Variants in ASAH2 observed in about 807,000 individuals in gnomAD.
ASAH2 encodes the protein N-acylsphingosine amidohydrolase 2.
A neutral mutation model predicts 82.9 loss-of-function variants in ASAH2; 58 were observed. The observed-to-expected ratio is 0.70, with a 90% CI of 0.57 to 0.87. The LOEUF is 0.87. ASAH2 is among the 40% of genes least tolerant of loss of function. ASAH2 has a pLI of 0.00. For missense variants in ASAH2, 779 were observed against 834.0 expected (o/e 0.93, Z 0.81); for synonymous variants, 276 against 289.7 (o/e 0.95, Z 0.48).
rs1845784327 is a variant in ASAH2 at position 50,222,926 on chromosome 10, G to C, written c.894-4296C>G. On this transcript the variant is annotated intron_variant, in intron 7 of 20. Coordinates refer to ENST00000682911, the MANE Select transcript of ASAH2 (RefSeq NM_019893.4). ...AGAAAGCTTTAGTTTCAGAAGTTAAGAATTCAGACATAAAAGGATGAATAC... is the reference window on the plus strand; with the variant it reads ...AGAAAGCTTTAGTTTCAGAAGTTAACAATTCAGACATAAAAGGATGAATAC... 2.0e-5 allele frequency among the ~76,000 whole-genome samples: 3 copies of C among 152,218 alleles called. No homozygotes were observed. The South Asian group carries it at 6.2e-4, about 32-fold the overall frequency.
At chr10:50,212,732 T>C (rs1798408892) in intron 10 of ASAH2, among the ~76,000 whole-genome samples, 1 of 152,144 alleles carries the variant, frequency 6.6e-6, no homozygotes, top group South Asian at 2.1e-4. Context: ...TAAAATAGAA[T>C]GTTTTCCTGA....
intron 5 of ASAH2, among the ~76,000 whole-genome samples, chr10:50,235,388 G>C (rs1431594934): frequency 6.6e-6 from 1 of 152,102 alleles, no homozygotes; most frequent in Non-Finnish European, 1.5e-5. Context: ...ACTGAAACCA[G>C]AAACAGGAGA....
At chr10:50,203,332 C>T (rs1845208050) in intron 15 of ASAH2, among the ~76,000 whole-genome samples, 1 of 151,974 alleles carries the variant, frequency 6.6e-6, no homozygotes, top group Non-Finnish European at 1.5e-5. Flanking sequence ...AAATGTAATA[C>T]ATTTTATTTA....
chr10:50,235,826 T>C, intron 5 of ASAH2, 62 bp downstream of exon 5: 1 of 1,554,516 alleles, frequency 6.4e-7, no homozygotes, highest in Non-Finnish European at 8.9e-7. Context: ...TCACATCCAA[T>C]CACTCCTAAA....
At chr10:50,237,297 G>A (rs1846185913) in intron 4 of ASAH2, among the ~76,000 whole-genome samples, 1 of 152,154 alleles carries the variant, frequency 6.6e-6, no homozygotes, top group African/African-American at 2.4e-5. Flanking sequence ...AGAAGCCTAA[G>A]TGGATAGGAA....
intron 17 of ASAH2, among the ~76,000 whole-genome samples, chr10:50,197,181 G>A (rs1845009731): frequency 6.6e-6 from 1 of 151,464 alleles, no homozygotes; most frequent in African/African-American, 2.4e-5. Flanking sequence ...TAAGGACAGT[G>A]ACCAGAGTAC....
chr10:50,243,907 CCATAGTAT>C (rs1218661884), intron 3 of ASAH2, among the ~76,000 whole-genome samples: 2 of 152,158 alleles, frequency 1.3e-5, no homozygotes, highest in African/African-American at 4.8e-5. Context: ...CTGGCTTTTA[CCATAGTAT>C]CATTCCTGTC....
intron 7 of ASAH2, among the ~76,000 whole-genome samples, chr10:50,219,460 A>AG (rs1845688884): frequency 1.3e-5 from 2 of 152,202 alleles, no homozygotes; most frequent in Non-Finnish European, 2.9e-5. Context: ...TGGCCTTTGT[A>AG]GGCTCAAACC....
intron 16 of ASAH2, among the ~76,000 whole-genome samples, chr10:50,200,034 C>T (rs1330512258): frequency 2.0e-5 from 3 of 151,186 alleles, no homozygotes; most frequent in Non-Finnish European, 3.0e-5. Context: ...AGGTAATAAG[C>T]ACAGTACCTG....
intron 7 of ASAH2, among the ~76,000 whole-genome samples, chr10:50,229,026 A>G (rs1165712386): frequency 6.6e-6 from 1 of 152,172 alleles, no homozygotes; most frequent in Non-Finnish European, 1.5e-5. Flanking sequence ...AAGTGTAGCT[A>G]TGTGAGTAGT....
intron 12 of ASAH2, among the ~76,000 whole-genome samples, chr10:50,207,998 G>T (rs1052467788): frequency 2.6e-5 from 4 of 151,862 alleles, no homozygotes; most frequent in African/African-American, 7.2e-5. Context: ...GGAATACAAA[G>T]TTGGTTAAAC....
intron 17 of ASAH2, among the ~76,000 whole-genome samples, chr10:50,197,601 A>G (rs1267225517): frequency 1.1e-4 from 16 of 152,098 alleles, no homozygotes; most frequent in Non-Finnish European, 2.1e-4. Flanking sequence ...TAATCTTTAC[A>G]ACTGCATATG....
intron 7 of ASAH2, among the ~76,000 whole-genome samples, chr10:50,225,629 A>G (rs968601891): frequency 2.0e-5 from 3 of 152,090 alleles, no homozygotes; most frequent in African/African-American, 4.8e-5. Context: ...CAAGAGTATG[A>G]CAAACAACAT....
At chr10:50,214,603 T>A in intron 9 of ASAH2, 140 bp downstream of exon 9, 1 of 1,045,950 alleles carries the variant, frequency 9.6e-7, no homozygotes, top group Non-Finnish European at 1.4e-6. Context: ...GGACAGGTGC[T>A]TTTGAGAAGA....
intron 7 of ASAH2, among the ~76,000 whole-genome samples, chr10:50,226,981 A>G (rs1845903509): frequency 6.6e-6 from 1 of 152,178 alleles, no homozygotes; most frequent in South Asian, 2.1e-4. Flanking sequence ...ATAGCTATCA[A>G]TCCAAAAAAA....
intron 8 of ASAH2, among the ~76,000 whole-genome samples, chr10:50,216,268 C>T (rs1267777793): frequency 6.6e-6 from 1 of 151,412 alleles, no homozygotes; most frequent in African/African-American, 2.4e-5. Flanking sequence ...TACAAACCTG[C>T]ATGTTCTGCA....
Position 50,243,477 on chromosome 10 carries a change from T to G in ASAH2, c.361-126A>C, listed in dbSNP as rs1266423059. The G allele has an allele frequency of 3.0e-6, 3 of 999,922 alleles. No homozygotes were observed. In the African/African-American group the frequency reaches 4.9e-5, roughly 16 times the overall value. The allele number at this position is 999,922 out of a possible 1,614,324, so 61.9% of individuals were successfully genotyped here. A position where few individuals can be genotyped will look rare whatever the true frequency, so the allele number is the denominator to read the frequency against. On this transcript the variant is annotated intron_variant, in intron 3 of 20. Transcript: ENST00000682911. ...AAACATCCACATGACATGGTGGCTC[T>G]GAGTGAGAGGATATATGTTTCAAAA...
chr10:50,210,748 A>G, intron 12 of ASAH2, 75 bp downstream of exon 12: 1 of 1,249,366 alleles, frequency 8.0e-7, no homozygotes, highest in South Asian at 1.2e-5. Context: ...ATTGGCTACA[A>G]TGAAACCTGA....
At chr10:50,190,219 TCAAA>T (rs1844844281) in intron 19 of ASAH2, among the ~76,000 whole-genome samples, 1 of 6,868 alleles carries the variant, frequency 1.5e-4, no homozygotes, top group Admixed American at 2.7e-3. Context: ...GAATTCAGCT[TCAAA>T]CAAAGCACAG....
Sources: gnomAD v4.1 joint callset for allele counts (sites outside exome capture counted in the v4.1 genomes callset) on GRCh38, gnomAD v4.1.1 for gene constraint, MANE v1.5 for transcripts, NCBI Gene and HGNC (gene_info 2026-07-23, HGNC 2026-07-21) for gene names.